The following AADACL2 variants were observed in gnomAD, a reference collection of about 807,000 sequenced individuals.
AADACL2 encodes arylacetamide deacetylase-like 2.
A neutral mutation model predicts 22.3 loss-of-function variants in AADACL2; 23 were observed. The ratio of observed to expected loss-of-function variants is 1.03; its 90% CI spans 0.74 to 1.46. The LOEUF (loss-of-function observed/expected upper bound fraction) is 1.46, where lower values mean the gene tolerates loss of function less well. Ranked by LOEUF, AADACL2 falls within the 40% of genes most tolerant of loss-of-function variation. The pLI is 0.00. For synonymous variants in AADACL2, 177 were observed against 166.2 expected, an observed-to-expected ratio of 1.07 and a Z score of -0.50; for missense variants, 472 against 482.9, an observed-to-expected ratio of 0.98 and a Z score of 0.21.
intron 1 of AADACL2, among the ~76,000 whole-genome samples, chr3:151,738,509 C>G (rs1713168137): frequency 6.6e-6 from 1 of 152,126 alleles, no homozygotes; most frequent in South Asian, 2.1e-4. Context: ...TAGTGGTGTT[C>G]TCTGTATTTC....
At chr3:151,738,013 T>C (rs1713152371) in intron 1 of AADACL2, among the ~76,000 whole-genome samples, 1 of 152,234 alleles carries the variant, frequency 6.6e-6, no homozygotes, top group Non-Finnish European at 1.5e-5. Flanking sequence ...TAGCTAGTTA[T>C]TTTGCACAAT....
At chr3:151,756,626 T>G (rs997314192) in intron 4 of AADACL2, among the ~76,000 whole-genome samples, 12 of 152,052 alleles carry the variant, frequency 7.9e-5, no homozygotes, top group African/African-American at 2.7e-4. Context: ...CAAAACTATA[T>G]GTACTGCCAA....
At chr3:151,745,749 G>T in intron 4 of AADACL2, 69 bp downstream of exon 4, 1 of 1,451,578 alleles carries the variant, frequency 6.9e-7, no homozygotes. Context: ...AGATAATTCA[G>T]TTCTTCCCCC....
In AADACL2 at chr3:151,761,212, T is replaced by TATATATAG. The variant is rs1714144371; in HGVS notation, c.*3625_*3626insGATATATA. 1.4e-5 allele frequency: 1 copy of TATATATAG among 71,392 alleles called. No individual in the cohort carries two copies. Among genetic ancestry groups the TATATATAG allele is most frequent in the Non-Finnish European group, 2.8e-5 (1 of 35,376 alleles). 4.4% of individuals were successfully genotyped at this position (71,392 alleles called of 1,614,324 possible). On this transcript the variant is annotated 3_prime_UTR_variant, in exon 5 of 5. Transcript: ENST00000356517. ...AGATATATACATATTGTGATATATA[T>TATATATAG]ATATATATATATATATATATATATA...
At chr3:151,734,437 A>G (rs1713026556) in intron 1 of AADACL2, among the ~76,000 whole-genome samples, 1 of 152,164 alleles carries the variant, frequency 6.6e-6, no homozygotes, top group African/African-American at 2.4e-5. Context: ...TATAAAATAA[A>G]TGGTATTGCT....
intron 2 of AADACL2, among the ~76,000 whole-genome samples, 153 bp from the exon 3 acceptor site, chr3:151,743,940 C>A (rs572791952): frequency 3.3e-5 from 5 of 151,860 alleles, no homozygotes; most frequent in Non-Finnish European, 7.4e-5. Flanking sequence ...GAGTGTGCCA[C>A]GTGGATTCAG....
intron 4 of AADACL2, chr3:151,751,445 C>T (rs1176855566): frequency 6.6e-6 from 1 of 152,270 alleles, no homozygotes; most frequent in Admixed American, 6.5e-5. Context: ...TGGCTCACCT[C>T]TGTAGTCCCA....
intron 3 of AADACL2, among the ~76,000 whole-genome samples, chr3:151,744,931 A>T (rs548207394): frequency 6.6e-6 from 1 of 152,244 alleles, no homozygotes; most frequent in Admixed American, 6.5e-5. Flanking sequence ...AGAGTGTGAT[A>T]ATTTGCCTTA....
chr3:151,734,210 G>T lies in AADACL2; in HGVS notation c.138+37G>T, dbSNP rs763991763. 19 of 1,600,378 alleles carry T rather than the reference G, an allele frequency of 1.2e-5. No individual in the cohort carries two copies. In the East Asian group the frequency reaches 2.5e-4, roughly 21 times the overall value. ...ATTTATTTTTTCTGTTGGAAATTGG[G>T]ATGACTTATTGACTAAAAATGGGTG... is the stretch of plus-strand genomic sequence containing the variant. On this transcript the variant is annotated intron_variant, in intron 1 of 4. Transcript: ENST00000356517.
rs1159619129 is a variant in AADACL2, at chr3:151,740,869, G to A, written c.361+1G>A. Reference sequence around the variant, plus strand: ...GGTGGTTTTTGTTTTGGAAGTTCCAGTAAGTTCATTGTATAAGGAAAAAGT... The same window carrying A: ...GGTGGTTTTTGTTTTGGAAGTTCCAATAAGTTCATTGTATAAGGAAAAAGT... On this transcript the variant is annotated splice_donor_variant, in intron 2 of 4. Coordinates refer to ENST00000356517, the MANE Select transcript of AADACL2 (RefSeq NM_207365.4). LOFTEE classifies it high-confidence loss of function. 3.1e-6 allele frequency: 5 copies of A among 1,613,704 alleles called. No individual in the cohort carries two copies. Among genetic ancestry groups the A allele is most frequent in the Non-Finnish European group, 4.2e-6 (5 of 1,179,764 alleles).
intron 3 of AADACL2, 71 bp from the exon 4 acceptor site, chr3:151,745,438 G>T (rs1164018422): frequency 4.2e-6 from 6 of 1,442,046 alleles, no homozygotes; most frequent in East Asian, 2.4e-5. Flanking sequence ...GCATTAAATT[G>T]CATCTATTTG....
rs112227318 is a variant in AADACL2, at chr3:151,758,839, G to T, written c.*1245G>T. ...GAAATGTGTATATGTATGAGTATGTGCATGTGTGTGGGAAAAATCTACCAT... is the reference window on the plus strand; with the variant it reads ...GAAATGTGTATATGTATGAGTATGTTCATGTGTGTGGGAAAAATCTACCAT... On this transcript the variant is annotated 3_prime_UTR_variant, in exon 5 of 5. Transcript: ENST00000356517. 1 of 152,066 alleles carries T rather than the reference G, an allele frequency of 6.6e-6. No individual in the cohort carries two copies. The highest frequency in any genetic ancestry group is 2.4e-5 in the African/African-American group (1 of 41,424). The allele number at this position is 152,066 out of a possible 1,614,324, so 9.4% of individuals were successfully genotyped here. A position where few individuals can be genotyped will look rare whatever the true frequency, so the allele number is the denominator to read the frequency against.
intron 2 of AADACL2, among the ~76,000 whole-genome samples, chr3:151,743,489 A>T (rs993182165): frequency 6.6e-6 from 1 of 152,116 alleles, no homozygotes; most frequent in African/African-American, 2.4e-5. Flanking sequence ...GTCAAAACTC[A>T]TATGTATATC....
intron 4 of AADACL2, among the ~76,000 whole-genome samples, chr3:151,754,839 C>G (rs534442375): frequency 7.2e-5 from 11 of 152,194 alleles, no homozygotes; most frequent in African/African-American, 2.6e-4. Flanking sequence ...ATGAATGTCA[C>G]ATTTTTTTGC....
chr3:151,742,614 G>T (rs552067380), intron 2 of AADACL2, among the ~76,000 whole-genome samples: 8 of 152,214 alleles, frequency 5.3e-5, no homozygotes, highest in African/African-American at 1.9e-4. Context: ...CCCAAATTAT[G>T]ACACTAAGAG....
intron 1 of AADACL2, among the ~76,000 whole-genome samples, chr3:151,736,931 G>T (rs905099340): frequency 6.6e-6 from 1 of 151,968 alleles, no homozygotes; most frequent in Admixed American, 6.6e-5. Flanking sequence ...ACTAATTTAC[G>T]CTCCCACCAA....
intron 3 of AADACL2, among the ~76,000 whole-genome samples, 178 bp from the exon 4 acceptor site, chr3:151,745,331 T>C (rs1240893805): frequency 1.3e-5 from 2 of 152,178 alleles, no homozygotes; most frequent in Admixed American, 6.5e-5. Flanking sequence ...AGGTACAAGA[T>C]TGAAAACCTT....
chr3:151,739,711 C>T (rs1375413772), intron 1 of AADACL2, among the ~76,000 whole-genome samples: 1 of 152,178 alleles, frequency 6.6e-6, no homozygotes, highest in African/African-American at 2.4e-5. Flanking sequence ...GATGCCCTGT[C>T]AAGTGAGGAG....
chr3:151,734,622 T>G (rs1713032142), intron 1 of AADACL2, among the ~76,000 whole-genome samples: 1 of 152,170 alleles, frequency 6.6e-6, no homozygotes, highest in South Asian at 2.1e-4. Context: ...CCATCTTCAA[T>G]TCTAAATTGC....
Sources: allele counts gnomAD v4.1 joint callset (sites outside exome capture counted in the v4.1 genomes callset), GRCh38; gene constraint gnomAD v4.1.1; transcripts MANE v1.5; gene names NCBI Gene and HGNC (gene_info 2026-07-23, HGNC 2026-07-21).